Variants in FRMD7 observed in about 807,000 individuals in gnomAD.
The protein encoded by FRMD7 is FERM domain-containing protein 7.
In FRMD7, 14 loss-of-function variants were observed where a neutral mutation model predicts 44.1. The ratio of observed to expected loss-of-function variants is 0.32; its 90% CI spans 0.21 to 0.50. The LOEUF is 0.50. FRMD7 is among the 20% of genes least tolerant of loss of function. FRMD7 has a pLI of 0.99. For synonymous variants in FRMD7, 212 were observed against 187.4 expected (o/e 1.13, Z -1.07); for missense variants, 501 against 522.3 (o/e 0.96, Z 0.40).
In FRMD7 at chrX:132,081,729, A is replaced by G. The variant is rs371701092; in HGVS notation, c.905+634T>C. ...CTAAAAGTTTTGAAAACTTCCTCCA[A>G]CGGATTCCTAGGCTGACGTATTCAA... On this transcript the variant is annotated intron_variant, in intron 9 of 11. Coordinates refer to ENST00000298542, the MANE Select transcript of FRMD7 (RefSeq NM_194277.3). Among the ~76,000 whole-genome samples, 39 of 112,682 alleles carry G rather than the reference A, an allele frequency of 3.5e-4. No homozygotes were observed. The South Asian group carries it at 0.013, about 37-fold the overall frequency.
At chrX:132,099,563 T>G in intron 2 of FRMD7, 53 bp from the exon 3 acceptor site, 1 of 920,224 alleles carries the variant, frequency 1.1e-6, no homozygotes, top group Non-Finnish European at 1.6e-6. Context: ...AGCAGAGCTT[T>G]TTTTTTTTCG....
intron 11 of FRMD7, among the ~76,000 whole-genome samples, chrX:132,079,502 T>C (rs1220437475): frequency 3.6e-5 from 4 of 112,044 alleles, no homozygotes; most frequent in Non-Finnish European, 7.5e-5. Flanking sequence ...CCTATAATTA[T>C]TTTTTTAGGG....
chrX:132,100,682 C>G lies in FRMD7; in HGVS notation c.92G>C (p.Ser31Thr), dbSNP rs776536105. 1.7e-6 allele frequency: 2 copies of G among 1,207,545 alleles called. No individual in the cohort carries two copies. The highest frequency in any genetic ancestry group is 5.9e-5 in the East Asian group (2 of 33,824). Reference protein sequence around the residue: ...KSSGKALFNLSCSHLNLAEKE... With the variant: ...KSSGKALFNLTCSHLNLAEKE... ...TTCAGCAAGATTTAGATGGCTGCAA[C>G]TCAGGTTAAACAATGCCTTCCCGGA... The change falls in exon 2 of 12, where the codon AGT becomes ACT. Residue 31 changes from serine (S) to threonine (T), a missense_variant. Coordinates refer to ENST00000298542, the MANE Select transcript of FRMD7 (RefSeq NM_194277.3).
chrX:132,080,787 T>C (rs1927782947), intron 9 of FRMD7, among the ~76,000 whole-genome samples: 1 of 111,703 alleles, frequency 9.0e-6, no homozygotes, highest in Non-Finnish European at 1.9e-5. Flanking sequence ...CACTCCAGCC[T>C]GGGCAACACA....
At chrX:132,097,918 T>TTAACACCA (rs1928389105) in intron 3 of FRMD7, among the ~76,000 whole-genome samples, 1 of 112,741 alleles carries the variant, frequency 8.9e-6, no homozygotes, top group Non-Finnish European at 1.9e-5. Context: ...TCAGTAAATA[T>TTAACACCA]TTGTTGGTGC....
rs1412719805 is a variant in FRMD7, at chrX:132,082,470, A to G, written c.798T>C (p.Ala266=). ...GGTATTCCACACAAGTCTTCCAGAA[A>G]GCCTTGCAGGCATCTCGGCTGGCCA... ...FTMASRDACK[A]FWKTCVEYHA... is the part of the protein sequence containing the mutation. Residue 266 remains alanine (A), a synonymous_variant, in exon 9 of 12, where the codon GCT becomes GCC. Coordinates refer to ENST00000298542, the MANE Select transcript of FRMD7 (RefSeq NM_194277.3). 5.8e-6 allele frequency: 7 copies of G among 1,209,154 alleles called. No individual in the cohort carries two copies. Among genetic ancestry groups the G allele is most frequent in the Non-Finnish European group, 7.8e-6 (7 of 893,901 alleles).
Position 132,082,546 on chromosome X carries a change from T to C in FRMD7, c.742-20A>G. ...CAACACCTGTATAAACCAATTTCCA[T>C]TAAGTAAAACATCCTTCAAGAATAT... On this transcript the variant is annotated intron_variant, in intron 8 of 11. Coordinates refer to ENST00000298542, the MANE Select transcript of FRMD7 (RefSeq NM_194277.3). The C allele has an allele frequency of 8.4e-7, 1 of 1,184,566 alleles. No homozygotes were observed. The highest frequency in any genetic ancestry group is 1.7e-5 in the African/African-American group (1 of 57,330).
intron 3 of FRMD7, 92 bp downstream of exon 3, chrX:132,099,376 T>C (rs2124250558): frequency 1.4e-6 from 1 of 718,418 alleles, no homozygotes; most frequent in Non-Finnish European, 2.2e-6. Flanking sequence ...TTTTCTCCCC[T>C]TATATTAAAA....
At chrX:132,102,694 A>G (rs1928535209) in intron 1 of FRMD7, among the ~76,000 whole-genome samples, 2 of 112,174 alleles carry the variant, frequency 1.8e-5, no homozygotes, top group Non-Finnish European at 3.8e-5. Flanking sequence ...TCCAACACCA[A>G]AGAAACACTT....
intron 2 of FRMD7, among the ~76,000 whole-genome samples, chrX:132,100,190 G>A (rs1288445420): frequency 1.8e-5 from 2 of 111,977 alleles, no homozygotes; most frequent in Non-Finnish European, 3.8e-5. Context: ...GGGATGCGGT[G>A]GTGCGATGCT....
intron 4 of FRMD7, among the ~76,000 whole-genome samples, chrX:132,095,582 C>CT (rs1928308024): frequency 8.9e-6 from 1 of 111,928 alleles, no homozygotes; most frequent in Non-Finnish European, 1.9e-5. Flanking sequence ...AGTAAATTAG[C>CT]AGGTGATTAT....
At chrX:132,085,502 T>C (rs1927953367) in intron 7 of FRMD7, 79 bp downstream of exon 7, 1 of 936,752 alleles carries the variant, frequency 1.1e-6, no homozygotes, top group Non-Finnish European at 1.5e-6. Context: ...GAGATCACCT[T>C]GGGAAAGGAC....
At chrX:132,100,471 A>G in intron 2 of FRMD7, 141 bp downstream of exon 2, 1 of 501,029 alleles carries the variant, frequency 2.0e-6, no homozygotes, top group East Asian at 3.5e-5. Flanking sequence ...GACAAAAACT[A>G]GTTATTAAAT....
chrX:132,125,502 G>T (rs1475491679), intron 1 of FRMD7, among the ~76,000 whole-genome samples: 11 of 111,300 alleles, frequency 9.9e-5, no homozygotes, highest in Non-Finnish European at 2.1e-4. Flanking sequence ...GCTATCAATG[G>T]GTTCTCTTCA....
At chrX:132,087,437 C>T in intron 5 of FRMD7, among the ~76,000 whole-genome samples, 1 of 110,784 alleles carries the variant, frequency 9.0e-6, no homozygotes. Flanking sequence ...GTGTTTTAGA[C>T]AGGTGGGTGT....
intron 3 of FRMD7, among the ~76,000 whole-genome samples, chrX:132,097,553 G>A (rs1256766019): frequency 3.6e-5 from 4 of 110,909 alleles, no homozygotes; most frequent in Non-Finnish European, 5.7e-5. Flanking sequence ...TGTATATAGC[G>A]ATTGGGAAAG....
In FRMD7 at chrX:132,107,604, G is replaced by GGAGAGACA. The variant is rs1556025736; in HGVS notation, c.58-6889_58-6888insTGTCTCTC. ...CCTTTTCACTATATTTCTACATGGT[G>GGAGAGACA]GAGAGAGAGAGAGAGAGAGAGAGAG... On this transcript the variant is annotated intron_variant, in intron 1 of 11. Transcript: ENST00000298542. Among the ~76,000 whole-genome samples, 16 of 91,170 alleles carry GGAGAGACA rather than the reference G, an allele frequency of 1.8e-4. 1 individual carries two copies. The highest frequency in any genetic ancestry group is 3.1e-4 in the East Asian group (1 of 3,273). 79.2% of individuals were successfully genotyped at this position (91,170 alleles called of 115,157 possible). A position where few individuals can be genotyped will look rare whatever the true frequency, so the allele number is the denominator to read the frequency against.
rs373900493 is a variant in FRMD7 at position 132,086,048 on chromosome X, A to G, written c.383-14T>C. ...CTCCAAGTTCTGCTGCATGACAGGAAAAAGACATTTTTCACATTACCTTTG... is the reference window on the plus strand; with the variant it reads ...CTCCAAGTTCTGCTGCATGACAGGAGAAAGACATTTTTCACATTACCTTTG... On this transcript the variant is annotated splice_polypyrimidine_tract_variant and intron_variant, in intron 5 of 11. Coordinates refer to ENST00000298542, the MANE Select transcript of FRMD7 (RefSeq NM_194277.3). 5.8e-4 allele frequency: 614 copies of G among 1,051,063 alleles called. 3 individuals are homozygous for G. In the Middle Eastern group the frequency reaches 6.0e-3, roughly 10 times the overall value. 86.6% of individuals were successfully genotyped at this position (1,051,063 alleles called of 1,213,427 possible).
intron 3 of FRMD7, among the ~76,000 whole-genome samples, chrX:132,098,100 A>G (rs1020056037): frequency 8.9e-6 from 1 of 112,193 alleles, no homozygotes; most frequent in Non-Finnish European, 1.9e-5. Flanking sequence ...ATGTCCTACC[A>G]GAGGACTTGA....
Sources: gnomAD v4.1 joint callset for allele counts (sites outside exome capture counted in the v4.1 genomes callset) on GRCh38, gnomAD v4.1.1 for gene constraint, MANE v1.5 for transcripts, NCBI Gene and HGNC (gene_info 2026-07-23, HGNC 2026-07-21) for gene names.